The following SLC47A1 variants were observed in gnomAD, a reference collection of about 807,000 sequenced individuals.
SLC47A1 encodes solute carrier family 47 member 1.
A neutral mutation model predicts 65.8 loss-of-function variants in SLC47A1; 58 were observed. The ratio of observed to expected loss-of-function variants is 0.88; its 90% CI spans 0.71 to 1.10. The LOEUF is 1.10. SLC47A1 is among the 50% of genes least tolerant of loss of function. SLC47A1 has a pLI of 0.00. For missense variants in SLC47A1, 706 were observed against 719.2 expected, an observed-to-expected ratio of 0.98 and a Z score of 0.21; for synonymous variants, 285 against 295.0, an observed-to-expected ratio of 0.97 and a Z score of 0.35.
chr17:19,567,376 G>A (rs2152316764), intron 14 of SLC47A1, 148 bp downstream of exon 14: 1 of 1,219,316 alleles, frequency 8.2e-7, no homozygotes, highest in Non-Finnish European at 1.2e-6. Flanking sequence ...AGTGTAGGGG[G>A]CGTTCAGGAG....
intron 16 of SLC47A1, among the ~76,000 whole-genome samples, chr17:19,576,843 G>A (rs552159192): frequency 6.6e-6 from 1 of 151,950 alleles, no homozygotes; most frequent in Admixed American, 6.6e-5. Flanking sequence ...GGGTTCAAGC[G>A]ATTCTCCTGC....
chr17:19,546,543 A>T, intron 3 of SLC47A1, 40 bp downstream of exon 3: 1 of 1,594,998 alleles, frequency 6.3e-7, no homozygotes, highest in Non-Finnish European at 8.6e-7. Flanking sequence ...GACCTCAAAC[A>T]TCTTTTCTCA....
At chr17:19,548,499 CTTTT>C (rs11341022) in intron 4 of SLC47A1, among the ~76,000 whole-genome samples, 45 of 123,442 alleles carry the variant, frequency 3.6e-4, no homozygotes, top group South Asian at 1.8e-3. Context: ...CAAGATTTTT[CTTTT>C]TTTTTTTTTT....
chr17:19,541,256 GA>G (rs1277565102), intron 1 of SLC47A1, among the ~76,000 whole-genome samples: 1 of 152,326 alleles, frequency 6.6e-6, no homozygotes, highest in East Asian at 1.9e-4. Context: ...CCATGGGGCA[GA>G]TGCAGGCAGC....
Position 19,577,404 on chromosome 17 carries a change from C to G in SLC47A1, c.1564C>G (p.Arg522Gly), listed in dbSNP as rs1453649762. The stretch of plus-strand genomic sequence containing the variant: ...CGAGCCTCAGTCAGATCAGCAGATG[C>G]GCCAAGAAGAACCTTTGCCGGAACA... ...TGEPQSDQQM[R>G]QEEPLPEHPQ... The change falls in exon 17 of 17, where the codon CGC becomes GGC. Residue 522 changes from arginine to glycine, a missense_variant. Physicochemically the swap from Arg to Gly is moderately radical, Grantham distance 125. Transcript: ENST00000270570. 6.2e-7 allele frequency: 1 copy of G among 1,614,162 alleles called. No individual in the cohort carries two copies. The highest frequency in any genetic ancestry group is 1.7e-5 in the Admixed American group (1 of 60,016).
intron 7 of SLC47A1, 102 bp downstream of exon 7, chr17:19,555,411 C>G: frequency 7.4e-7 from 1 of 1,357,506 alleles, no homozygotes; most frequent in Non-Finnish European, 1.1e-6. Context: ...TGTGTCCATG[C>G]GTGGTCTCTT....
At chr17:19,566,701 A>G (rs907118620) in intron 12 of SLC47A1, 89 bp from the exon 13 acceptor site, 6 of 1,215,406 alleles carry the variant, frequency 4.9e-6, no homozygotes, top group Admixed American at 1.8e-5. Context: ...CTGAGATTAC[A>G]GGCATGAGCC....
At chr17:19,563,540 A>C (rs1408739966) in intron 12 of SLC47A1, among the ~76,000 whole-genome samples, 1 of 152,156 alleles carries the variant, frequency 6.6e-6, no homozygotes, top group Non-Finnish European at 1.5e-5. Context: ...AAAACAGAAA[A>C]TTTCAGAGCA....
At chr17:19,575,793 C>G (rs917015404) in intron 16 of SLC47A1, among the ~76,000 whole-genome samples, 1 of 152,158 alleles carries the variant, frequency 6.6e-6, no homozygotes, top group Admixed American at 6.5e-5. Context: ...AAGCTATCCC[C>G]TTGCCCTCCG....
intron 14 of SLC47A1, among the ~76,000 whole-genome samples, chr17:19,568,969 C>T (rs778829971): frequency 2.6e-5 from 4 of 151,938 alleles, no homozygotes; most frequent in Non-Finnish European, 4.4e-5. Flanking sequence ...AAGTGATCCT[C>T]CCACCTTGGC....
chr17:19,538,495 G>T (rs1369333903), intron 1 of SLC47A1, among the ~76,000 whole-genome samples: 1 of 152,222 alleles, frequency 6.6e-6, no homozygotes, highest in African/African-American at 2.4e-5. Context: ...TTGCACCATT[G>T]CAAAGCTGAA....
chr17:19,553,141 A>G (rs1333159606), intron 6 of SLC47A1, among the ~76,000 whole-genome samples: 1 of 151,986 alleles, frequency 6.6e-6, no homozygotes, highest in Non-Finnish European at 1.5e-5. Flanking sequence ...TGTAGAACCA[A>G]AGAGAAGCAG....
At chr17:19,551,331 C>T (rs543712755) in intron 5 of SLC47A1, 93 bp from the exon 6 acceptor site, 1 of 1,145,848 alleles carries the variant, frequency 8.7e-7, no homozygotes, top group African/African-American at 1.5e-5. Flanking sequence ...GGCAGCCGAA[C>T]CTTGGCTGTG....
intron 14 of SLC47A1, among the ~76,000 whole-genome samples, chr17:19,570,093 C>T (rs2084388187): frequency 6.6e-6 from 1 of 152,114 alleles, no homozygotes; most frequent in Non-Finnish European, 1.5e-5. Flanking sequence ...GCCTGGGCAA[C>T]AGAGCAAGAC....
chr17:19,560,321 C>T lies in SLC47A1; in HGVS notation c.1030+25C>T, dbSNP rs1270523056. On this transcript the variant is annotated intron_variant, in intron 11 of 16. Transcript: ENST00000270570. ...GGTGCTGAGACCCCTTTACCCGAGGCTCTTGGTGCAGTCTCTGCATGCAAA... is the reference window on the plus strand; with the variant it reads ...GGTGCTGAGACCCCTTTACCCGAGGTTCTTGGTGCAGTCTCTGCATGCAAA... 4 of 1,608,196 alleles carry T rather than the reference C, an allele frequency of 2.5e-6. No homozygotes were observed. In the South Asian group the frequency reaches 4.4e-5, roughly 18 times the overall value.
At chr17:19,542,554 C>A in intron 2 of SLC47A1, 60 bp downstream of exon 2, 1 of 1,336,774 alleles carries the variant, frequency 7.5e-7, no homozygotes. Context: ...TCTGCTGCTA[C>A]TATAACAAAT....
chr17:19,533,990 C>T lies in SLC47A1; in HGVS notation c.51C>T (p.Thr17=), dbSNP rs1441313284. The change falls in exon 1 of 17, where the codon ACC becomes ACT. Residue 17 remains threonine (T), a synonymous_variant. Transcript: ENST00000270570. ...PAPVRGGPEA[T]LEVRGSRCLR... ...CAGTGCGCGGAGGCCCGGAGGCCAC[C>T]CTTGAGGTCCGTGGGTCGCGCTGCT... The T allele has an allele frequency of 1.3e-6, 2 of 1,543,716 alleles. No homozygotes were observed. Among genetic ancestry groups the T allele is most frequent in the South Asian group, 1.2e-5 (1 of 82,718 alleles).
At chr17:19,549,736 C>A in intron 5 of SLC47A1, 59 bp downstream of exon 5, 1 of 1,565,306 alleles carries the variant, frequency 6.4e-7, no homozygotes, top group African/African-American at 1.4e-5. Flanking sequence ...AAGGTAGCCA[C>A]CATATCTGTG....
intron 12 of SLC47A1, among the ~76,000 whole-genome samples, chr17:19,563,679 A>G (rs896407955): frequency 1.3e-5 from 2 of 152,156 alleles, no homozygotes; most frequent in Non-Finnish European, 2.9e-5. Flanking sequence ...TGAATTTAAA[A>G]ATCCAAAATA....
Sources: gnomAD v4.1 joint callset for allele counts (sites outside exome capture counted in the v4.1 genomes callset) on GRCh38, gnomAD v4.1.1 for gene constraint, MANE v1.5 for transcripts, NCBI Gene and HGNC (gene_info 2026-07-23, HGNC 2026-07-21) for gene names.